DTNA: variants seen among roughly 807,000 people sequenced by gnomAD.
The protein encoded by DTNA is dystrobrevin alpha.
In DTNA, 43 loss-of-function variants were observed where a neutral mutation model predicts 100.7. That is an observed-to-expected ratio of 0.43 (90% CI 0.33 to 0.55). DTNA has a LOEUF of 0.55. DTNA is among the 20% of genes least tolerant of loss of function. The probability of loss-of-function intolerance (pLI) is 0.04; values close to 1 mark genes in which losing one functional copy is unlikely to be tolerated. For synonymous variants in DTNA, 349 were observed against 347.9 expected (o/e 1.00, Z -0.04); for missense variants, 798 against 953.9 (o/e 0.84, Z 2.15).
chr18:34,715,425 A>G (rs2083833272), intron 1 of DTNA, among the ~76,000 whole-genome samples: 2 of 152,116 alleles, frequency 1.3e-5, no homozygotes, highest in Admixed American at 6.5e-5. Context: ...TCAAACACAC[A>G]TGTTATGAAA....
intron 1 of DTNA, among the ~76,000 whole-genome samples, chr18:34,649,323 T>C (rs1262339473): frequency 6.6e-6 from 1 of 152,190 alleles, no homozygotes; most frequent in Non-Finnish European, 1.5e-5. Context: ...GATTGATATA[T>C]CTGCAAAACG....
intron 1 of DTNA, among the ~76,000 whole-genome samples, chr18:34,565,237 A>G (rs975590733): frequency 1.3e-5 from 2 of 152,196 alleles, no homozygotes; most frequent in Non-Finnish European, 2.9e-5. Flanking sequence ...ACAAATCCCT[A>G]TTTCATTCTT....
intron 1 of DTNA, among the ~76,000 whole-genome samples, chr18:34,568,313 A>G (rs1568672101): frequency 1.3e-5 from 2 of 152,210 alleles, no homozygotes; most frequent in African/African-American, 4.8e-5. Context: ...TTGTCAAGGC[A>G]TTCTGGCGTT....
intron 8 of DTNA, among the ~76,000 whole-genome samples, chr18:34,820,552 G>A (rs1786597): frequency 3.9e-5 from 6 of 151,990 alleles, no homozygotes; most frequent in African/African-American, 1.5e-4. Context: ...AAGTCCCAGC[G>A]CAGGTGCCCC....
chr18:34,524,815 G>C (rs955459283), intron 1 of DTNA, among the ~76,000 whole-genome samples: 2 of 152,032 alleles, frequency 1.3e-5, no homozygotes, highest in Non-Finnish European at 2.9e-5. Flanking sequence ...ATTCCTGGAA[G>C]CTGTGACAAC....
At chr18:34,846,852 T>C (rs1474417444) in intron 13 of DTNA, among the ~76,000 whole-genome samples, 1 of 152,234 alleles carries the variant, frequency 6.6e-6, no homozygotes, top group Non-Finnish European at 1.5e-5. Context: ...TATGTTACTT[T>C]ATATGGATCC....
intron 11 of DTNA, among the ~76,000 whole-genome samples, chr18:34,835,267 A>G (rs1470866167): frequency 6.6e-6 from 1 of 152,242 alleles, no homozygotes; most frequent in East Asian, 1.9e-4. Context: ...AAAATAGTTT[A>G]TTTCCAGAAA....
chr18:34,764,215 A>G (rs1425275684), intron 2 of DTNA, among the ~76,000 whole-genome samples: 1 of 59,436 alleles, frequency 1.7e-5, no homozygotes, highest in Admixed American at 2.4e-4. Flanking sequence ...TTCTCAGTGC[A>G]GAAGTCAAGA....
In DTNA at chr18:34,815,989, G is replaced by C; in HGVS notation, c.684G>C (p.Leu228=). The change falls in exon 7 of 23, where the codon CTG becomes CTC. Residue 228 remains leucine (L), a synonymous_variant. Transcript: ENST00000444659. ...AGTGTCTGGTCTGGTTGCCTCTTCT[G>C]CATCGACTAGCAAATGTGGAAAATG... ...PPQCLVWLPL[L]HRLANVENVF... is the part of the protein sequence containing the mutation. The C allele has an allele frequency of 6.2e-7, 1 of 1,613,742 alleles. No homozygotes were observed. The highest frequency in any genetic ancestry group is 8.5e-7 in the Non-Finnish European group (1 of 1,179,710).
intron 1 of DTNA, among the ~76,000 whole-genome samples, chr18:34,744,744 C>T (rs1230830927): frequency 2.0e-5 from 3 of 152,156 alleles, no homozygotes; most frequent in Non-Finnish European, 4.4e-5. Flanking sequence ...TGCCCAGCTC[C>T]CCTCTGGAAT....
chr18:34,546,583 T>A (rs556123221), intron 1 of DTNA, among the ~76,000 whole-genome samples: 46 of 152,138 alleles, frequency 3.0e-4, no homozygotes, highest in African/African-American at 1.1e-3. Flanking sequence ...AATGAAGACA[T>A]AATCAATGCA....
At chr18:34,867,732 G>C in intron 17 of DTNA, 1 of 985,536 alleles carries the variant, frequency 1.0e-6, no homozygotes, top group Non-Finnish European at 1.2e-6. Context: ...AGGCTCCTAT[G>C]GACCAGGAAG....
At position 34,818,333 on chromosome 18, in the gene DTNA, A is replaced by G. The variant is rs1190870395; in HGVS notation, c.876+3A>G. Reference sequence around the variant, plus strand: ...AAATGAAAGAGTACACGTCATGGGTAAGGCAAGGTCCAGGCAATACTTGGA... The same window carrying G: ...AAATGAAAGAGTACACGTCATGGGTGAGGCAAGGTCCAGGCAATACTTGGA... On this transcript the variant is annotated splice_donor_region_variant and intron_variant, in intron 8 of 22. Coordinates refer to ENST00000444659, the MANE Select transcript of DTNA (RefSeq NM_001386795.1). 10 of 1,613,626 alleles carry G rather than the reference A, an allele frequency of 6.2e-6. No homozygotes were observed. The highest frequency in any genetic ancestry group is 8.5e-6 in the Non-Finnish European group (10 of 1,179,764).
At chr18:34,773,117 T>C (rs1305736061) in intron 3 of DTNA, among the ~76,000 whole-genome samples, 2 of 152,216 alleles carry the variant, frequency 1.3e-5, no homozygotes, top group Non-Finnish European at 2.9e-5. Context: ...AGAAGTCTCC[T>C]TGCTTTTCAG....
chr18:34,759,057 T>A (rs1234640923), intron 2 of DTNA, among the ~76,000 whole-genome samples: 1 of 152,206 alleles, frequency 6.6e-6, no homozygotes, highest in East Asian at 1.9e-4. Context: ...GGTGACCACC[T>A]ACTTTGATTT....
intron 1 of DTNA, among the ~76,000 whole-genome samples, chr18:34,506,213 G>A (rs1449277980): frequency 6.6e-6 from 1 of 152,222 alleles, no homozygotes; most frequent in Non-Finnish European, 1.5e-5. Flanking sequence ...CTTAGTGACA[G>A]TTCTGACTCT....
chr18:34,493,809 C>G (rs1017783933), intron 1 of DTNA: 4 of 148,700 alleles, frequency 2.7e-5, no homozygotes, highest in African/African-American at 4.9e-5. Flanking sequence ...GGGCGGAGAG[C>G]GCCGGCGGGG....
intron 17 of DTNA, chr18:34,868,659 A>G (rs1002132885): frequency 2.0e-6 from 2 of 985,432 alleles, no homozygotes; most frequent in African/African-American, 1.7e-5. Context: ...TTATACTGGC[A>G]TATATAATTT....
At chr18:34,798,126 A>T (rs2095059563) in intron 4 of DTNA, among the ~76,000 whole-genome samples, 1 of 152,124 alleles carries the variant, frequency 6.6e-6, no homozygotes, top group African/African-American at 2.4e-5. Flanking sequence ...CAGCCTCCCG[A>T]GTAGCTGGGA....
Sources: allele counts gnomAD v4.1 joint callset (sites outside exome capture counted in the v4.1 genomes callset), GRCh38; gene constraint gnomAD v4.1.1; transcripts MANE v1.5; gene names NCBI Gene and HGNC (gene_info 2026-07-23, HGNC 2026-07-21).